TCF12: variants seen among roughly 807,000 people sequenced by gnomAD.
TCF12 encodes DNA-binding protein HTF4.
In TCF12, 45 loss-of-function variants were observed where a neutral mutation model predicts 86.0. The ratio of observed to expected loss-of-function variants is 0.52; its 90% confidence interval spans 0.41 to 0.67. The LOEUF is 0.67. Among genes scored for constraint, TCF12 ranks in the 30% least tolerant of loss-of-function variants. The pLI, the probability that TCF12 is intolerant of heterozygous loss-of-function variation, is 0.00. For synonymous variants in TCF12, 330 were observed against 299.6 expected, an observed-to-expected ratio of 1.10 and a Z score of -1.05; for missense variants, 881 against 859.9, an observed-to-expected ratio of 1.02 and a Z score of -0.31.
intron 8 of TCF12, among the ~76,000 whole-genome samples, chr15:57,205,982 A>G (rs1320541957): frequency 6.6e-6 from 1 of 152,196 alleles, no homozygotes; most frequent in Non-Finnish European, 1.5e-5. Context: ...AAAGAAGAAC[A>G]TGGCTGCATT....
chr15:57,085,628 A>G (rs2048571236), intron 4 of TCF12, among the ~76,000 whole-genome samples: 1 of 152,220 alleles, frequency 6.6e-6, no homozygotes, highest in Non-Finnish European at 1.5e-5. Flanking sequence ...TAGAAAGTAT[A>G]GCGTTATTTA....
chr15:57,282,265 A>AG, intron 19 of TCF12, 180 bp from the exon 20 acceptor site: 1 of 669,470 alleles, frequency 1.5e-6, no homozygotes. Context: ...ATGGTCACTT[A>AG]GAAGTATAAA....
chr15:57,204,583 G>A (rs927854903), intron 8 of TCF12, among the ~76,000 whole-genome samples: 4 of 152,056 alleles, frequency 2.6e-5, no homozygotes, highest in Admixed American at 1.3e-4. Context: ...ATTTGTTATC[G>A]TAAATTTGAA....
At chr15:57,043,420 C>G (rs1222936680) in intron 3 of TCF12, among the ~76,000 whole-genome samples, 1 of 152,146 alleles carries the variant, frequency 6.6e-6, no homozygotes, top group African/African-American at 2.4e-5. Flanking sequence ...CTTCCAGTCT[C>G]TCCACGTCCT....
intron 3 of TCF12, among the ~76,000 whole-genome samples, chr15:56,958,672 AGAGAGAGT>A (rs2061600286): frequency 1.5e-5 from 1 of 65,732 alleles, no homozygotes; most frequent in African/African-American, 5.0e-5. Context: ...AGAGAGAGAG[AGAGAGAGT>A]GTGTGTGTGT....
At chr15:57,193,776 G>A (rs1253708103) in intron 7 of TCF12, among the ~76,000 whole-genome samples, 2 of 152,132 alleles carry the variant, frequency 1.3e-5, no homozygotes, top group Non-Finnish European at 2.9e-5. Flanking sequence ...GGGTATAAAA[G>A]GGCACTATGA....
chr15:57,184,994 C>T (rs1267567006), intron 6 of TCF12, among the ~76,000 whole-genome samples: 2 of 152,108 alleles, frequency 1.3e-5, no homozygotes, highest in African/African-American at 4.8e-5. Flanking sequence ...TCCTTTAGGT[C>T]TGATAATTAC....
intron 20 of TCF12, among the ~76,000 whole-genome samples, chr15:57,283,817 C>G (rs909863312): frequency 2.0e-5 from 3 of 152,040 alleles, no homozygotes; most frequent in Admixed American, 6.6e-5. Context: ...TAGTTCCTAC[C>G]GCCACTACAT....
chr15:57,076,608 G>A (rs568570059), intron 4 of TCF12, among the ~76,000 whole-genome samples: 13 of 150,730 alleles, frequency 8.6e-5, no homozygotes, highest in African/African-American at 2.4e-4. Context: ...AGCCGAGATC[G>A]CGCCACTGCA....
chr15:57,006,290 C>A (rs1445335355), intron 3 of TCF12, among the ~76,000 whole-genome samples: 2 of 151,932 alleles, frequency 1.3e-5, no homozygotes, highest in African/African-American at 4.8e-5. Flanking sequence ...TTTGCCAGTA[C>A]TGGATTTAAG....
rs189224525 is a variant in TCF12 at position 57,093,693 on chromosome 15, G to A, written c.325+1802G>A. ...ACATTTTCTCAGTTGGAGCAATTACGAGCATGTGCTTGTTGGTTTCTTTAG... is the reference window on the plus strand; with the variant it reads ...ACATTTTCTCAGTTGGAGCAATTACAAGCATGTGCTTGTTGGTTTCTTTAG... On this transcript the variant is annotated intron_variant, in intron 5 of 20. Coordinates refer to ENST00000333725, the MANE Select transcript of TCF12 (RefSeq NM_207037.2). Among the ~76,000 whole-genome samples the A allele has an allele frequency of 6.0e-4, 91 of 152,228 alleles. 1 individual carries two copies. The highest frequency in any genetic ancestry group is 2.0e-3 in the African/African-American group (82 of 41,534).
chr15:56,990,151 C>CTTT (rs372235874), intron 3 of TCF12, among the ~76,000 whole-genome samples: 2,364 of 92,690 alleles, frequency 0.026, 190 homozygotes, highest in African/African-American at 0.08. Flanking sequence ...ATAGTCTTGT[C>CTTT]TTTTTTTTTT....
chr15:57,052,653 C>A lies in TCF12; in HGVS notation c.149-11097C>A, dbSNP rs1277757616. On this transcript the variant is annotated intron_variant, in intron 3 of 20. Transcript: ENST00000333725. ...CTCCATCTCAAAAAAAAAAAAAAAA[C>A]CAAAATAAAACAAAACTATATCTGC... is the stretch of plus-strand genomic sequence containing the variant. 5.4e-4 allele frequency among the ~76,000 whole-genome samples: 77 copies of A among 141,694 alleles called. No individual in the cohort carries two copies. The East Asian group carries it at 8.0e-3, about 15-fold the overall frequency. 93.0% of individuals were successfully genotyped at this position (141,694 alleles called of 152,430 possible).
At chr15:57,071,133 G>A (rs997795127) in intron 4 of TCF12, among the ~76,000 whole-genome samples, 2 of 151,970 alleles carry the variant, frequency 1.3e-5, no homozygotes, top group Admixed American at 6.6e-5. Flanking sequence ...TAGGCTGGGC[G>A]TGATGGCTCA....
chr15:57,218,128 G>T (rs905894576), intron 8 of TCF12, among the ~76,000 whole-genome samples: 1 of 152,044 alleles, frequency 6.6e-6, no homozygotes, highest in Non-Finnish European at 1.5e-5. Context: ...AATGAGGTTG[G>T]GGGGATAGGG....
rs2049481188 is a variant in TCF12, at chr15:57,098,279, G to C, written c.325+6388G>C. ...GCTCACAGTCCCTTTCCACTACGTT[G>C]CTTTTTTCCTCTTTTTAACTTCTTG... On this transcript the variant is annotated intron_variant, in intron 5 of 20. Transcript: ENST00000333725. Among the ~76,000 whole-genome samples, 7 of 152,110 alleles carry C rather than the reference G, an allele frequency of 4.6e-5. No individual in the cohort carries two copies. The South Asian group carries it at 1.4e-3, about 31-fold the overall frequency.
In TCF12 at chr15:56,983,063, C is replaced by T. The variant is rs372841513; in HGVS notation, c.148+61965C>T. Among the ~76,000 whole-genome samples, 3 of 152,168 alleles carry T rather than the reference C, an allele frequency of 2.0e-5. No individual in the cohort carries two copies. In the East Asian group the frequency reaches 5.8e-4, roughly 29 times the overall value. On this transcript the variant is annotated intron_variant, in intron 3 of 20. Transcript: ENST00000333725. ...TTGAGAGAAACAAAATATTCTTACACAAGGTTGTTGTTAGAAATAGTAGTA... is the reference window on the plus strand; with the variant it reads ...TTGAGAGAAACAAAATATTCTTACATAAGGTTGTTGTTAGAAATAGTAGTA...
At chr15:56,991,780 C>T (rs1159094775) in intron 3 of TCF12, among the ~76,000 whole-genome samples, 1 of 149,254 alleles carries the variant, frequency 6.7e-6, no homozygotes, top group Non-Finnish European at 1.5e-5. Context: ...AGTTAAATCT[C>T]AATTATAGTG....
At chr15:57,290,546 G>T (rs1199339206), downstream of TCF12, among the ~76,000 whole-genome samples, 1 of 152,158 alleles carries the variant, frequency 6.6e-6, no homozygotes, top group Non-Finnish European at 1.5e-5. Flanking sequence ...CATGCTGCAG[G>T]TTTGACATTA....
Sources: allele counts gnomAD v4.1 joint callset (sites outside exome capture counted in the v4.1 genomes callset), GRCh38; gene constraint gnomAD v4.1.1; transcripts MANE v1.5; gene names NCBI Gene and HGNC (gene_info 2026-07-23, HGNC 2026-07-21).